Variants in CRTAC1 observed in about 807,000 individuals in gnomAD.
CRTAC1 encodes cartilage acidic protein 1, also known as acidic secreted protein in cartilage.
Under a neutral mutation model 67.8 loss-of-function variants are expected in CRTAC1, and 37 were observed. The observed-to-expected ratio is 0.55, with a 90% confidence interval of 0.42 to 0.72. The LOEUF is 0.72. CRTAC1 is among the 30% of genes least tolerant of loss of function. The probability of loss-of-function intolerance (pLI) is 0.00; values close to 1 mark genes in which losing one functional copy is unlikely to be tolerated. For synonymous variants in CRTAC1, 348 were observed against 371.0 expected (o/e 0.94, Z 0.71); for missense variants, 780 against 931.6 (o/e 0.84, Z 2.12).
chr10:98,011,390 C>G (rs1042328660), intron 1 of CRTAC1, 53 bp from the exon 2 acceptor site: 1 of 1,606,428 alleles, frequency 6.2e-7, no homozygotes, highest in Non-Finnish European at 8.5e-7. Flanking sequence ...CAAAGCAATC[C>G]CGGAACATTA....
intron 2 of CRTAC1, among the ~76,000 whole-genome samples, chr10:97,941,504 C>T (rs539023977): frequency 1.4e-4 from 22 of 152,272 alleles, no homozygotes; most frequent in African/African-American, 4.6e-4. Flanking sequence ...ACCCCTTGGA[C>T]GTCCACTGCC....
At chr10:97,932,951 C>G (rs2051023834) in intron 3 of CRTAC1, among the ~76,000 whole-genome samples, 1 of 152,220 alleles carries the variant, frequency 6.6e-6, no homozygotes, top group Non-Finnish European at 1.5e-5. Flanking sequence ...AGGGTGCTTG[C>G]CCTCTTCCAG....
chr10:97,929,798 A>G (rs369139500), intron 3 of CRTAC1, among the ~76,000 whole-genome samples: 28 of 152,350 alleles, frequency 1.8e-4, no homozygotes, highest in African/African-American at 6.5e-4. Context: ...ATCATCCAGG[A>G]AATCACAGCA....
rs566158757 is a variant in CRTAC1 at position 98,029,256 on chromosome 10, C to A, written c.24+1193G>T. Reference sequence around the variant, plus strand: ...CCAAGTCGTCTGGGTTCCAAATCTCCGTCAATCGCTTATCTCTTCCCACAT... The same window carrying A: ...CCAAGTCGTCTGGGTTCCAAATCTCAGTCAATCGCTTATCTCTTCCCACAT... On this transcript the variant is annotated intron_variant, in intron 1 of 14. Transcript: ENST00000370597. This position sits in a 1 kb window ranked among gnomAD's most constrained non-coding sequence, Gnocchi z 4.7. Among the ~76,000 whole-genome samples, 1 of 152,134 alleles carries A rather than the reference C, an allele frequency of 6.6e-6. No homozygotes were observed. Among genetic ancestry groups the A allele is most frequent in the African/African-American group, 2.4e-5 (1 of 41,416 alleles).
intron 2 of CRTAC1, among the ~76,000 whole-genome samples, chr10:97,970,272 A>C (rs1270571654): frequency 1.3e-5 from 2 of 152,146 alleles, no homozygotes; most frequent in African/African-American, 4.8e-5. Flanking sequence ...TTACTGCAAG[A>C]ACTTCCTGAC....
chr10:97,922,851 C>G (rs541044173), intron 4 of CRTAC1, among the ~76,000 whole-genome samples: 1 of 152,204 alleles, frequency 6.6e-6, no homozygotes, highest in Admixed American at 6.5e-5. Flanking sequence ...AAGGGCCCCA[C>G]GGCTCAGTGC....
intron 4 of CRTAC1, among the ~76,000 whole-genome samples, chr10:97,920,335 G>A (rs935299749): frequency 6.6e-6 from 1 of 152,174 alleles, no homozygotes; most frequent in African/African-American, 2.4e-5. Flanking sequence ...GATGTGTTAC[G>A]GTTGTAGAAG....
intron 3 of CRTAC1, among the ~76,000 whole-genome samples, chr10:97,931,242 C>T (rs1324144119): frequency 2.6e-5 from 4 of 152,178 alleles, no homozygotes; most frequent in South Asian, 4.1e-4. Context: ...TTGGTCGACA[C>T]GAACTTCCTG....
chr10:98,008,049 G>A (rs983659608), intron 2 of CRTAC1, among the ~76,000 whole-genome samples: 77 of 152,260 alleles, frequency 5.1e-4, no homozygotes, highest in African/African-American at 1.2e-3. Flanking sequence ...TGACCTCAGC[G>A]ACTGGGCCCA....
At chr10:97,920,138 G>A (rs940695618) in intron 4 of CRTAC1, among the ~76,000 whole-genome samples, 7 of 152,010 alleles carry the variant, frequency 4.6e-5, no homozygotes, top group South Asian at 2.1e-4. Flanking sequence ...TGAATGAAGG[G>A]GCCAAAGAGG....
chr10:97,924,906 A>G (rs2050891211), intron 3 of CRTAC1, among the ~76,000 whole-genome samples: 1 of 151,924 alleles, frequency 6.6e-6, no homozygotes, highest in Non-Finnish European at 1.5e-5. Context: ...GTGAGAGTGA[A>G]TGTGTGTGTG....
At chr10:97,915,914 C>T (rs1224961539) in intron 5 of CRTAC1, among the ~76,000 whole-genome samples, 5 of 152,142 alleles carry the variant, frequency 3.3e-5, no homozygotes, top group Non-Finnish European at 7.4e-5. Flanking sequence ...TTGAACTGCC[C>T]GTCCTTCCAG....
intron 1 of CRTAC1, among the ~76,000 whole-genome samples, chr10:98,014,208 C>A: frequency 6.6e-6 from 1 of 152,164 alleles, no homozygotes; most frequent in East Asian, 1.9e-4. Flanking sequence ...GTCGGCAGAC[C>A]AGTGCATCGG....
chr10:98,002,761 C>CTGTT lies in CRTAC1; in HGVS notation c.224+8376_224+8377insAACA, dbSNP rs771351655. On this transcript the variant is annotated intron_variant, in intron 2 of 14. Coordinates refer to ENST00000370597, the MANE Select transcript of CRTAC1 (RefSeq NM_018058.7). Reference sequence around the variant, plus strand: ...TTTTAGGAATTCTTTACAAAACTCACTTTTTTTTTTTTTTTTTTTTTTTTT... The same window carrying CTGTT: ...TTTTAGGAATTCTTTACAAAACTCACTGTTTTTTTTTTTTTTTTTTTTTTTTTTT... Among the ~76,000 whole-genome samples the CTGTT allele has an allele frequency of 3.1e-3, 115 of 37,296 alleles. 9 individuals are homozygous for CTGTT. The highest frequency in any genetic ancestry group is 4.2e-3 in the South Asian group (3 of 716). 24.5% of individuals were successfully genotyped at this position (37,296 alleles called of 152,430 possible).
At chr10:97,922,115 C>T (rs2050848900) in intron 4 of CRTAC1, among the ~76,000 whole-genome samples, 1 of 152,016 alleles carries the variant, frequency 6.6e-6, no homozygotes, top group Non-Finnish European at 1.5e-5. Flanking sequence ...TGGGAAGAGG[C>T]CCCTAACCGT....
intron 2 of CRTAC1, among the ~76,000 whole-genome samples, chr10:97,948,148 G>T (rs973735862): frequency 6.6e-6 from 1 of 150,890 alleles, no homozygotes; most frequent in Non-Finnish European, 1.5e-5. Flanking sequence ...ATGTGATTAG[G>T]TTTCTGTTCC....
rs749091062 is a variant in CRTAC1 at position 97,936,251 on chromosome 10, C to T, written c.340G>A (p.Ala114Thr). The T allele has an allele frequency of 1.1e-5, 18 of 1,614,042 alleles. No individual in the cohort carries two copies. Among genetic ancestry groups the T allele is most frequent in the Admixed American group, 1.7e-5 (1 of 60,010 alleles). Residue 114 changes from alanine to threonine, a missense_variant, in exon 3 of 15, where the codon GCC (alanine) becomes ACC (threonine). Ala to Thr is a moderately conservative substitution (Grantham distance 58). Coordinates refer to ENST00000370597, the MANE Select transcript of CRTAC1 (RefSeq NM_018058.7). ...YYALRDRQGN[A>T]IGVTACDIDG... is the part of the protein sequence containing the mutation. ...ATGTCGCAGGCTGTGACCCCGATGG[C>T]GTTCCCCTGCCGGTCCCGCAGCGCG...
intron 6 of CRTAC1, among the ~76,000 whole-genome samples, chr10:97,906,356 G>A (rs1253871228): frequency 6.6e-6 from 1 of 152,192 alleles, no homozygotes; most frequent in Non-Finnish European, 1.5e-5. Flanking sequence ...CAAGGAGCTG[G>A]TTCCCTTTCA....
rs116082312 is a variant in CRTAC1, at chr10:97,918,398, C to A, written c.559-742G>T. On this transcript the variant is annotated intron_variant, in intron 4 of 14. Transcript: ENST00000370597. ...CTGATGAAAGACTCTTCTCTTCTGC[C>A]TGTTATTATAATGGTGCTATTTCTT... Among the ~76,000 whole-genome samples, 332 of 152,282 alleles carry A rather than the reference C, an allele frequency of 2.2e-3. 1 individual carries two copies. Among genetic ancestry groups the A allele is most frequent in the African/African-American group, 7.8e-3 (325 of 41,562 alleles).
Sources: gnomAD v4.1 joint callset for allele counts (sites outside exome capture counted in the v4.1 genomes callset) on GRCh38, gnomAD v4.1.1 for gene constraint, Gnocchi (gnomAD v3.1) non-coding constraint, MANE v1.5 for transcripts, NCBI Gene and HGNC (gene_info 2026-07-23, HGNC 2026-07-21) for gene names.